ERC2: variants seen among roughly 807,000 people sequenced by gnomAD.
ERC2 encodes ELKS/RAB6-interacting/CAST family member 2.
ERC2 carries 42 observed loss-of-function variants against 114.8 expected under a neutral mutation model. The ratio of observed to expected loss-of-function variants is 0.37; its 90% CI spans 0.29 to 0.47. The LOEUF (loss-of-function observed/expected upper bound fraction) is 0.47. ERC2 is among the 20% of genes least tolerant of loss of function. The pLI is 0.99. For synonymous variants in ERC2, 454 were observed against 425.5 expected (o/e 1.07, Z -0.82); for missense variants, 939 against 1,150.7 (o/e 0.82, Z 2.66).
At chr3:56,367,013 C>A (rs562847042) in intron 2 of ERC2, among the ~76,000 whole-genome samples, 1 of 152,312 alleles carries the variant, frequency 6.6e-6, no homozygotes, top group East Asian at 1.9e-4. Flanking sequence ...ACTAAGCAAA[C>A]AAGCATCACT....
intron 14 of ERC2, among the ~76,000 whole-genome samples, chr3:55,790,776 C>G (rs2149076010): frequency 6.6e-6 from 1 of 152,338 alleles, no homozygotes; most frequent in African/African-American, 2.4e-5. Flanking sequence ...GGACAGCAGC[C>G]ATGCCTACCG....
chr3:56,232,010 GC>G (rs1298654711), intron 3 of ERC2, among the ~76,000 whole-genome samples: 1 of 149,776 alleles, frequency 6.7e-6, no homozygotes, highest in Admixed American at 6.7e-5. Flanking sequence ...TTGCCCTGTT[GC>G]CCAGGCTGGA....
intron 2 of ERC2, among the ~76,000 whole-genome samples, chr3:56,351,123 T>C (rs2150526303): frequency 6.6e-6 from 1 of 152,218 alleles, no homozygotes; most frequent in South Asian, 2.1e-4. Flanking sequence ...AATATTTTGT[T>C]ACAGCAGCCT....
At chr3:55,784,155 CTTTTG>C (rs1027281094) in intron 14 of ERC2, among the ~76,000 whole-genome samples, 11 of 151,838 alleles carry the variant, frequency 7.2e-5, no homozygotes, top group African/African-American at 2.2e-4. Context: ...AATTCTTTGT[CTTTTG>C]TTTTGTTTTT....
At chr3:55,799,362 TTATA>T (rs770426790) in intron 14 of ERC2, among the ~76,000 whole-genome samples, 1 of 133,662 alleles carries the variant, frequency 7.5e-6, no homozygotes. Context: ...ACCACAATTC[TTATA>T]TATATATATA....
At chr3:55,863,777 T>C (rs930343658) in intron 14 of ERC2, among the ~76,000 whole-genome samples, 2 of 152,134 alleles carry the variant, frequency 1.3e-5, no homozygotes, top group African/African-American at 4.8e-5. Flanking sequence ...AAACATGTAA[T>C]TAATATATAA....
At position 56,311,265 on chromosome 3, in the gene ERC2, A is replaced by ATG. The variant is rs1560571253; in HGVS notation, c.658-14831_658-14830insCA. Among the ~76,000 whole-genome samples, 46 of 81,724 alleles carry ATG rather than the reference A, an allele frequency of 5.6e-4. 1 individual carries two copies. The highest frequency in any genetic ancestry group is 1.8e-3 in the African/African-American group (44 of 25,018). The allele number at this position is 81,724 out of a possible 152,430, so 53.6% of individuals were successfully genotyped here. A position where few individuals can be genotyped will look rare whatever the true frequency, so the allele number is the denominator to read the frequency against. On this transcript the variant is annotated intron_variant, in intron 2 of 17. Coordinates refer to ENST00000288221, the MANE Select transcript of ERC2 (RefSeq NM_015576.3). Reference sequence around the variant, plus strand: ...TCTCTCTCTCTCTCTCTATATATATATATATATATATATATATATATATAT... The same window carrying ATG: ...TCTCTCTCTCTCTCTCTATATATATATGTATATATATATATATATATATATAT...
At chr3:56,076,422 A>G (rs957638189) in intron 7 of ERC2, among the ~76,000 whole-genome samples, 6 of 143,958 alleles carry the variant, frequency 4.2e-5, no homozygotes, top group African/African-American at 1.6e-4. Flanking sequence ...GTACAATGTC[A>G]TCAGGTTTTA....
At chr3:55,957,135 C>T (rs775567856) in intron 12 of ERC2, among the ~76,000 whole-genome samples, 3 of 152,304 alleles carry the variant, frequency 2.0e-5, no homozygotes, top group Middle Eastern at 3.4e-3. Flanking sequence ...AGAAGTAGAA[C>T]GTCCTGGAGG....
chr3:55,556,767 A>T (rs2055641095), intron 17 of ERC2, among the ~76,000 whole-genome samples: 1 of 152,240 alleles, frequency 6.6e-6, no homozygotes, highest in African/African-American at 2.4e-5. Context: ...CCATGCATGA[A>T]GGCGGGTCTC....
intron 14 of ERC2, among the ~76,000 whole-genome samples, chr3:55,833,552 C>G (rs1245417838): frequency 6.6e-6 from 1 of 152,156 alleles, no homozygotes; most frequent in African/African-American, 2.4e-5. Flanking sequence ...TACAGACAAG[C>G]AAATGCTGAG....
intron 17 of ERC2, among the ~76,000 whole-genome samples, chr3:55,660,115 T>C (rs1263977594): frequency 6.7e-6 from 1 of 149,296 alleles, no homozygotes. Context: ...TCAGTTCATA[T>C]TTGTTAAATG....
intron 17 of ERC2, among the ~76,000 whole-genome samples, chr3:55,584,581 T>TG (rs1181683961): frequency 6.6e-6 from 1 of 152,088 alleles, no homozygotes; most frequent in African/African-American, 2.4e-5. Flanking sequence ...GGTGAGGCAT[T>TG]GGGGAACTCT....
chr3:55,634,215 T>C (rs1346280693), intron 17 of ERC2, among the ~76,000 whole-genome samples: 1 of 152,220 alleles, frequency 6.6e-6, no homozygotes, highest in Non-Finnish European at 1.5e-5. Flanking sequence ...GCCCATGCCA[T>C]AAGTACTAGA....
Position 56,440,317 on chromosome 3 carries a change from G to A in ERC2, c.-140-5170C>T, listed in dbSNP as rs371674874. Among the ~76,000 whole-genome samples the A allele has an allele frequency of 9.9e-5, 15 of 152,270 alleles. No individual in the cohort carries two copies. The South Asian group carries it at 3.1e-3, about 32-fold the overall frequency. ...CCAGCACTTTGGGAGGCCGAGGCGG[G>A]TGGATCACGAGGTCAGGAGATCGAG... On this transcript the variant is annotated intron_variant, in intron 1 of 17. Coordinates refer to ENST00000288221, the MANE Select transcript of ERC2 (RefSeq NM_015576.3).
intron 15 of ERC2, among the ~76,000 whole-genome samples, chr3:55,708,428 G>C (rs1300003305): frequency 2.0e-5 from 3 of 152,178 alleles, no homozygotes; most frequent in Non-Finnish European, 4.4e-5. Flanking sequence ...ATTAAGTCGT[G>C]GGCAGCACAT....
intron 14 of ERC2, among the ~76,000 whole-genome samples, chr3:55,740,110 C>T (rs1187503137): frequency 1.3e-5 from 2 of 152,030 alleles, no homozygotes; most frequent in Non-Finnish European, 2.9e-5. Context: ...TAAAAAATCC[C>T]AATGAATTAA....
chr3:56,152,699 CA>C (rs1306398488), intron 4 of ERC2, among the ~76,000 whole-genome samples: 7 of 152,066 alleles, frequency 4.6e-5, no homozygotes, highest in African/African-American at 1.7e-4. Flanking sequence ...AACATCTAAA[CA>C]ATGTTTGCTT....
intron 11 of ERC2, among the ~76,000 whole-genome samples, chr3:55,990,616 G>A (rs1576474259): frequency 6.6e-6 from 1 of 152,116 alleles, no homozygotes; most frequent in African/African-American, 2.4e-5. Flanking sequence ...AGGTCTCCCT[G>A]TGTTGACCAG....
Sources: gnomAD v4.1 joint callset for allele counts (sites outside exome capture counted in the v4.1 genomes callset) on GRCh38, gnomAD v4.1.1 for gene constraint, MANE v1.5 for transcripts, NCBI Gene and HGNC (gene_info 2026-07-23, HGNC 2026-07-21) for gene names.